Variants in CHD7 observed in about 807,000 individuals in gnomAD.
CHD7 encodes ATP-dependent chromatin remodeler CHD7.
In CHD7, 24 loss-of-function variants were observed where a neutral mutation model predicts 307.3. That is an observed-to-expected ratio of 0.08 (90% CI 0.06 to 0.11). The LOEUF (loss-of-function observed/expected upper bound fraction) is 0.11. Among genes scored for constraint, CHD7 ranks in the 10% least tolerant of loss-of-function variants. The pLI is 1.00. For synonymous variants in CHD7, 1,363 were observed against 1,349.9 expected (o/e 1.01, Z -0.21); for missense variants, 3,106 against 3,727.1 (o/e 0.83, Z 4.34).
chr8:60,860,089 A>G (rs1412249259), intron 34 of CHD7, among the ~76,000 whole-genome samples: 1 of 152,188 alleles, frequency 6.6e-6, no homozygotes, highest in Non-Finnish European at 1.5e-5. Flanking sequence ...AAATAACTGT[A>G]GACTTCAGTT....
chr8:60,809,751 A>G (rs533986384), intron 7 of CHD7: 3 of 152,114 alleles, frequency 2.0e-5, no homozygotes, highest in South Asian at 4.1e-4. Context: ...TAAGATTTCC[A>G]TAAAACTAAG....
chr8:60,741,149 A>G (rs1171475532), intron 1 of CHD7, 110 bp from the exon 2 acceptor site: 6 of 435,382 alleles, frequency 1.4e-5, no homozygotes, highest in Middle Eastern at 5.9e-4. Context: ...CTAGATTCGT[A>G]TTGTTGATGG....
rs886063023 is a variant in CHD7 at position 60,678,764 on chromosome 8, CGCGGCG to C, written c.-472_-467del. ...CGCGCAGGCGCTGGCGTGCTGGGGC[CGCGGCG>C]GCGGCGGCGGCGGCGGCGGCAGCGG... is the stretch of plus-strand genomic sequence containing the variant. On this transcript the variant is annotated 5_prime_UTR_variant, in exon 1 of 38. Transcript: ENST00000423902. 1,286 of 138,184 alleles carry C rather than the reference CGCGGCG, an allele frequency of 9.3e-3. 12 individuals carry two copies. Among genetic ancestry groups the C allele is most frequent in the South Asian group, 0.037 (177 of 4,836 alleles). The allele number at this position is 138,184 out of a possible 1,614,324, so 8.6% of individuals were successfully genotyped here.
chr8:60,780,935 T>G, intron 2 of CHD7, 65 bp from the exon 3 acceptor site: 1 of 1,422,022 alleles, frequency 7.0e-7, no homozygotes, highest in Non-Finnish European at 9.2e-7. Flanking sequence ...AGCCACTAAC[T>G]TTCAGTTCTT....
At chr8:60,808,113 C>A in intron 6 of CHD7, 104 bp from the exon 7 acceptor site, 1 of 811,960 alleles carries the variant, frequency 1.2e-6, no homozygotes, top group Non-Finnish European at 2.0e-6. Flanking sequence ...TCCTTTGCTG[C>A]TCTTTTCAGT....
intron 7 of CHD7, among the ~76,000 whole-genome samples, 179 bp downstream of exon 7, chr8:60,808,451 A>G (rs951446895): frequency 2.0e-5 from 3 of 152,202 alleles, no homozygotes; most frequent in Non-Finnish European, 4.4e-5. Context: ...ATTTTTCTGG[A>G]AAATGTGTAA....
intron 4 of CHD7, among the ~76,000 whole-genome samples, chr8:60,799,935 C>T (rs1215700962): frequency 6.6e-6 from 1 of 152,114 alleles, no homozygotes; most frequent in Non-Finnish European, 1.5e-5. Context: ...GCACTGTGAT[C>T]TTTTCACATC....
chr8:60,748,653 G>A (rs567741407), intron 2 of CHD7, among the ~76,000 whole-genome samples: 71 of 152,302 alleles, frequency 4.7e-4, no homozygotes, highest in Non-Finnish European at 8.8e-4. Context: ...TTGTTCTTAA[G>A]GTTACAGGCA....
chr8:60,815,665 T>C (rs1803702130), intron 7 of CHD7, among the ~76,000 whole-genome samples: 1 of 152,120 alleles, frequency 6.6e-6, no homozygotes, highest in African/African-American at 2.4e-5. Context: ...AGTGCAGGTA[T>C]AGATGATAGC....
At chr8:60,828,603 T>G in intron 13 of CHD7, 60 bp from the exon 14 acceptor site, 1 of 1,495,702 alleles carries the variant, frequency 6.7e-7, no homozygotes, top group African/African-American at 1.4e-5. Context: ...TGAGAGGCTC[T>G]GGTTTTAAGA....
In CHD7 at chr8:60,862,455, G is replaced by T. The variant is rs1806041986; in HGVS notation, c.7972-93G>T. The stretch of plus-strand genomic sequence containing the variant: ...TGTCTGCCCGAATGCGTGTGTGCGT[G>T]TATGTGTGTATTATAGAAGGGGGAG... On this transcript the variant is annotated intron_variant, in intron 36 of 37. Transcript: ENST00000423902. The T allele has an allele frequency of 3.4e-6, 5 of 1,460,220 alleles. No individual in the cohort carries two copies. The South Asian group carries it at 5.0e-5, about 15-fold the overall frequency. 90.5% of individuals were successfully genotyped at this position (1,460,220 alleles called of 1,614,324 possible).
chr8:60,743,171 T>C, intron 2 of CHD7, 74 bp downstream of exon 2: 1 of 1,289,964 alleles, frequency 7.8e-7, no homozygotes, highest in Non-Finnish European at 1.1e-6. Flanking sequence ...ATCGAATTTT[T>C]CTTTAAACTC....
intron 2 of CHD7, among the ~76,000 whole-genome samples, chr8:60,764,631 C>G (rs534504593): frequency 3.5e-4 from 54 of 152,290 alleles, no homozygotes; most frequent in African/African-American, 1.3e-3. Flanking sequence ...GCCATTCATT[C>G]ATTCATTCAT....
intron 2 of CHD7, among the ~76,000 whole-genome samples, chr8:60,754,642 C>T (rs1809797684): frequency 6.6e-6 from 1 of 152,146 alleles, no homozygotes; most frequent in African/African-American, 2.4e-5. Context: ...TACCATCACA[C>T]TACTGTATTT....
At chr8:60,691,284 G>A (rs1806181982) in intron 1 of CHD7, among the ~76,000 whole-genome samples, 3 of 152,200 alleles carry the variant, frequency 2.0e-5, no homozygotes, top group Admixed American at 1.3e-4. Flanking sequence ...TGGCAAACCT[G>A]TAACATGACT....
intron 34 of CHD7, 61 bp from the exon 35 acceptor site, chr8:60,860,843 A>T: frequency 8.2e-7 from 1 of 1,224,452 alleles, no homozygotes; most frequent in Non-Finnish European, 1.2e-6. Flanking sequence ...TTCTTGAAAT[A>T]GGACATTGTC....
At chr8:60,723,771 A>G (rs1019215046) in intron 1 of CHD7, among the ~76,000 whole-genome samples, 11 of 152,140 alleles carry the variant, frequency 7.2e-5, no homozygotes, top group African/African-American at 2.7e-4. Flanking sequence ...TTGTGTTTGG[A>G]TGTACTGTTT....
At chr8:60,687,706 A>G (rs570913954) in intron 1 of CHD7, among the ~76,000 whole-genome samples, 11 of 152,348 alleles carry the variant, frequency 7.2e-5, no homozygotes, top group South Asian at 6.2e-4. Flanking sequence ...GAGTGTTGTC[A>G]TGGATCATTT....
chr8:60,858,894 A>G (rs959330142), intron 34 of CHD7, among the ~76,000 whole-genome samples: 5 of 152,166 alleles, frequency 3.3e-5, no homozygotes, highest in African/African-American at 9.7e-5. Flanking sequence ...ACAGGCAATC[A>G]TGTTCAGTAT....
Sources: gnomAD v4.1 joint callset for allele counts (sites outside exome capture counted in the v4.1 genomes callset) on GRCh38, gnomAD v4.1.1 for gene constraint, MANE v1.5 for transcripts, NCBI Gene and HGNC (gene_info 2026-07-23, HGNC 2026-07-21) for gene names.